Variants in SCG5 observed in about 807,000 individuals in gnomAD.
The protein encoded by SCG5 is neuroendocrine protein 7B2.
A neutral mutation model predicts 25.7 loss-of-function variants in SCG5; 18 were observed. The observed-to-expected ratio is 0.70, with a 90% CI of 0.48 to 1.04. The LOEUF is 1.04. Among genes scored for constraint, SCG5 ranks in the 50% least tolerant of loss-of-function variants. The pLI, the probability that SCG5 is intolerant of heterozygous loss-of-function variation, is 0.00. For synonymous variants in SCG5, 101 were observed against 91.7 expected, an observed-to-expected ratio of 1.10 and a Z score of -0.58; for missense variants, 206 against 259.8, an observed-to-expected ratio of 0.79 and a Z score of 1.42.
At chr15:32,689,361 T>G (rs1032672882) in intron 4 of SCG5, among the ~76,000 whole-genome samples, 2 of 152,220 alleles carry the variant, frequency 1.3e-5, no homozygotes, top group African/African-American at 4.8e-5. Context: ...ATCATTTTTT[T>G]GAGCACTTCT....
At chr15:32,683,803 AC>A (rs2054656799) in intron 3 of SCG5, among the ~76,000 whole-genome samples, 1 of 152,220 alleles carries the variant, frequency 6.6e-6, no homozygotes, top group East Asian at 1.9e-4. Flanking sequence ...TCACAATAAA[AC>A]ACAACATCAA....
At chr15:32,691,116 C>G (rs1319001938) in intron 4 of SCG5, among the ~76,000 whole-genome samples, 1 of 152,102 alleles carries the variant, frequency 6.6e-6, no homozygotes, top group African/African-American at 2.4e-5. Flanking sequence ...CAGAGCCCTG[C>G]CCCCCGACCC....
At chr15:32,694,772 A>G (rs2054924730) in intron 5 of SCG5, among the ~76,000 whole-genome samples, 1 of 152,266 alleles carries the variant, frequency 6.6e-6, no homozygotes, top group African/African-American at 2.4e-5. Context: ...ATCTTTGTAG[A>G]GTGAGTCGGA....
At chr15:32,653,147 A>G (rs2054060171) in intron 2 of SCG5, among the ~76,000 whole-genome samples, 1 of 152,272 alleles carries the variant, frequency 6.6e-6, no homozygotes, top group South Asian at 2.1e-4. Flanking sequence ...ATTTGTCAAG[A>G]ATCACAATTT....
At chr15:32,679,732 G>A (rs767442687) in intron 2 of SCG5, 34 bp from the exon 3 acceptor site, 1 of 1,610,520 alleles carries the variant, frequency 6.2e-7, no homozygotes, top group South Asian at 1.1e-5. Context: ...TAATTGAATT[G>A]CACTGCAATG....
intron 2 of SCG5, among the ~76,000 whole-genome samples, chr15:32,655,595 C>T (rs2054104736): frequency 1.3e-5 from 2 of 152,124 alleles, no homozygotes; most frequent in South Asian, 2.1e-4. Flanking sequence ...GTTTGTGTCT[C>T]CCCCAGATTT....
At position 32,643,729 on chromosome 15, in the gene SCG5, G is replaced by A. The variant is rs2053902251; in HGVS notation, c.137G>A (p.Gly46Asp). ...GCAGATATCCAGAGGCTGCTTCATG[G>A]TGTTATGGAGCAATTGGGCATTGCC... The part of the protein sequence containing the change: ...SEADIQRLLH[G>D]VMEQLGIARP... Residue 46 changes from glycine to aspartate, a missense_variant, in exon 2 of 6, where the codon GGT becomes GAT. Physicochemically the swap from Gly to Asp is moderately conservative, Grantham distance 94. Coordinates refer to ENST00000300175, the MANE Select transcript of SCG5 (RefSeq NM_001144757.3). 1 of 1,613,792 alleles carries A rather than the reference G, an allele frequency of 6.2e-7. No individual in the cohort carries two copies. Among genetic ancestry groups the A allele is most frequent in the Non-Finnish European group, 8.5e-7 (1 of 1,179,876 alleles).
intron 2 of SCG5, among the ~76,000 whole-genome samples, chr15:32,662,994 G>A (rs991119026): frequency 1.4e-5 from 2 of 142,860 alleles, no homozygotes; most frequent in Non-Finnish European, 3.0e-5. Flanking sequence ...TTTGTGTGTA[G>A]AGCGGGGAAG....
chr15:32,695,304 C>T (rs368903706), intron 5 of SCG5, among the ~76,000 whole-genome samples: 2 of 152,210 alleles, frequency 1.3e-5, no homozygotes, highest in South Asian at 2.1e-4. Flanking sequence ...CGTGAGCCAC[C>T]GCGCCTGGCT....
At chr15:32,688,925 G>A (rs922086949) in intron 4 of SCG5, among the ~76,000 whole-genome samples, 5 of 145,832 alleles carry the variant, frequency 3.4e-5, no homozygotes, top group Non-Finnish European at 5.9e-5. Context: ...TGCCACTGCA[G>A]TCCGGCCTGG....
chr15:32,647,835 C>G (rs897681951), intron 2 of SCG5, among the ~76,000 whole-genome samples: 2 of 151,972 alleles, frequency 1.3e-5, no homozygotes, highest in African/African-American at 4.8e-5. Flanking sequence ...TTTCTTTACC[C>G]ATTTGTTAGT....
In SCG5 at chr15:32,641,795, T is replaced by C. The variant is rs148284812; in HGVS notation, c.-8+17T>C. 5 of 152,380 alleles carry C rather than the reference T, an allele frequency of 3.3e-5. No homozygotes were observed. Among genetic ancestry groups the C allele is most frequent in the African/African-American group, 1.2e-4 (5 of 41,572 alleles). The allele number at this position is 152,380 out of a possible 1,614,324, so 9.4% of individuals were successfully genotyped here. ...TGCCCCTCGGTGAGTACAGTTTTGA[T>C]GTCGGCTCGGCCGCCTGCCGCCAAC... is the stretch of plus-strand genomic sequence containing the variant. On this transcript the variant is annotated intron_variant, in intron 1 of 5. Coordinates refer to ENST00000300175, the MANE Select transcript of SCG5 (RefSeq NM_001144757.3).
rs143490877 is a variant in SCG5 at position 32,642,276 on chromosome 15, G to C, written c.-8+498G>C. Among the ~76,000 whole-genome samples, 662 of 152,020 alleles carry C rather than the reference G, an allele frequency of 4.4e-3. 6 individuals are homozygous for C. The highest frequency in any genetic ancestry group is 0.016 in the African/African-American group (644 of 41,448). On this transcript the variant is annotated intron_variant, in intron 1 of 5. Transcript: ENST00000300175. Reference sequence around the variant, plus strand: ...TCAGTAGAAGAATGATTAGAAGGAGGGTTTGCGCCGGTCCTGGTGGCTCAC... The same window carrying C: ...TCAGTAGAAGAATGATTAGAAGGAGCGTTTGCGCCGGTCCTGGTGGCTCAC...
At chr15:32,659,573 G>C (rs2054182719) in intron 2 of SCG5, among the ~76,000 whole-genome samples, 1 of 152,190 alleles carries the variant, frequency 6.6e-6, no homozygotes, top group East Asian at 1.9e-4. Flanking sequence ...CCAGTGGCCT[G>C]TTCAAGTTTT....
chr15:32,696,328 A>T (rs980528765), intron 5 of SCG5, among the ~76,000 whole-genome samples, 186 bp from the exon 6 acceptor site: 1 of 152,266 alleles, frequency 6.6e-6, no homozygotes, highest in South Asian at 2.1e-4. Context: ...CGTGTTAGCC[A>T]GGATGGTCTC....
chr15:32,696,924 C>A lies in SCG5; in HGVS notation c.*315C>A. On this transcript the variant is annotated 3_prime_UTR_variant, in exon 6 of 6. Transcript: ENST00000300175. ...GATTTCTTGCAGTTTAAAATGGTGT[C>A]TGAGGTTGTACTATTTTGGCCAAGT... 4.3e-6 allele frequency: 1 copy of A among 231,890 alleles called. No homozygotes were observed. Among genetic ancestry groups the A allele is most frequent in the Admixed American group, 5.3e-5 (1 of 19,036 alleles). 14.4% of individuals were successfully genotyped at this position (231,890 alleles called of 1,614,324 possible). A position where few individuals can be genotyped will look rare whatever the true frequency, so the allele number is the denominator to read the frequency against.
intron 2 of SCG5, among the ~76,000 whole-genome samples, chr15:32,660,012 G>T (rs2054190836): frequency 1.3e-5 from 2 of 152,194 alleles, no homozygotes; most frequent in African/African-American, 4.8e-5. Context: ...GAAAATGTTT[G>T]CAAAGGAAGG....
chr15:32,684,626 A>G lies in SCG5; in HGVS notation c.446A>G (p.His149Arg), dbSNP rs563607565. 1.2e-6 allele frequency: 2 copies of G among 1,613,828 alleles called. No individual in the cohort carries two copies. Among genetic ancestry groups the G allele is most frequent in the East Asian group, 4.5e-5 (2 of 44,894 alleles). Residue 149 changes from histidine to arginine, a missense_variant, in exon 4 of 6, where the codon CAT (histidine) becomes CGT (arginine). By Grantham distance (29) the His-to-Arg change is conservative. Coordinates refer to ENST00000300175, the MANE Select transcript of SCG5 (RefSeq NM_001144757.3). ...AGTCGAGAGTTCCAGTTGCACCAGC[A>G]TCTCTTTGATCCGGAACATGACTAT... ...EFSREFQLHQ[H>R]LFDPEHDYPG...
intron 2 of SCG5, among the ~76,000 whole-genome samples, chr15:32,648,999 T>A (rs981733755): frequency 6.6e-6 from 1 of 152,124 alleles, no homozygotes; most frequent in Non-Finnish European, 1.5e-5. Context: ...CTCGTGATCC[T>A]CCCGCCTTGG....
Sources: allele counts gnomAD v4.1 joint callset (sites outside exome capture counted in the v4.1 genomes callset), GRCh38; gene constraint gnomAD v4.1.1; transcripts MANE v1.5; gene names NCBI Gene and HGNC (gene_info 2026-07-23, HGNC 2026-07-21).